MAGI1: variants seen among roughly 807,000 people sequenced by gnomAD.
MAGI1 encodes the protein membrane associated guanylate kinase, WW and PDZ domain containing 1, also known as membrane-associated guanylate kinase, WW and PDZ domain-containing protein 1.
In MAGI1, 58 loss-of-function variants were observed where a neutral mutation model predicts 139.9. The observed-to-expected ratio is 0.41, with a 90% confidence interval of 0.34 to 0.52. MAGI1 has a LOEUF of 0.52. MAGI1 is among the 20% of genes least tolerant of loss of function. MAGI1 has a pLI of 0.12. For missense variants in MAGI1, 1,874 were observed against 1,901.6 expected (o/e 0.99, Z 0.27); for synonymous variants, 812 against 737.9 (o/e 1.10, Z -1.63).
At chr3:65,465,088 A>G (rs1159023391) in intron 5 of MAGI1, among the ~76,000 whole-genome samples, 1 of 150,358 alleles carries the variant, frequency 6.7e-6, no homozygotes, top group Non-Finnish European at 1.5e-5. Context: ...CCTTATCTCC[A>G]TTGATATTCT....
chr3:65,361,108 G>A (rs767522342), intron 22 of MAGI1, 91 bp downstream of exon 22: 1 of 1,611,750 alleles, frequency 6.2e-7, no homozygotes, highest in Admixed American at 1.7e-5. Context: ...GTGAATAGGG[G>A]AAACAAAAAA....
At chr3:65,522,634 A>C (rs1438415618) in intron 2 of MAGI1, among the ~76,000 whole-genome samples, 1 of 152,182 alleles carries the variant, frequency 6.6e-6, no homozygotes, top group East Asian at 1.9e-4. Flanking sequence ...CAAGCTTTTG[A>C]AAGTTTCTTT....
At chr3:65,621,891 G>C in intron 2 of MAGI1, 81 bp downstream of exon 2, 1 of 985,800 alleles carries the variant, frequency 1.0e-6, no homozygotes, top group South Asian at 1.5e-5. Flanking sequence ...ACCAGTTGTT[G>C]AGATCTCCTT....
intron 13 of MAGI1, among the ~76,000 whole-genome samples, chr3:65,393,194 G>C (rs1009714322): frequency 1.3e-5 from 2 of 152,200 alleles, no homozygotes; most frequent in Non-Finnish European, 2.9e-5. Flanking sequence ...GCCAGAGTGA[G>C]AAAATGTAAA....
chr3:65,618,178 T>A (rs1403771619), intron 2 of MAGI1, among the ~76,000 whole-genome samples: 1 of 152,112 alleles, frequency 6.6e-6, no homozygotes, highest in Non-Finnish European at 1.5e-5. Context: ...GTGTTTGGAA[T>A]ATGAAGTTTG....
chr3:65,686,571 A>G (rs532117120), intron 1 of MAGI1, among the ~76,000 whole-genome samples: 10 of 152,278 alleles, frequency 6.6e-5, no homozygotes, highest in South Asian at 4.1e-4. Context: ...GATTACAGGC[A>G]TGAGCCATCG....
chr3:65,962,677 A>G (rs558349388), intron 1 of MAGI1, among the ~76,000 whole-genome samples: 91 of 151,418 alleles, frequency 6.0e-4, no homozygotes, highest in African/African-American at 2.0e-3. Flanking sequence ...TCTACTAAAA[A>G]CGCTGGGCGT....
At chr3:65,531,962 C>G (rs2078733749) in intron 2 of MAGI1, among the ~76,000 whole-genome samples, 1 of 152,136 alleles carries the variant, frequency 6.6e-6, no homozygotes, top group African/African-American at 2.4e-5. Context: ...ACTTACATCC[C>G]ACATGTATTC....
intron 2 of MAGI1, chr3:65,619,766 G>T: frequency 2.8e-6 from 2 of 708,204 alleles, no homozygotes; most frequent in Non-Finnish European, 3.5e-6. Flanking sequence ...ATGTTCAAAG[G>T]CACACACGCT....
intron 2 of MAGI1, among the ~76,000 whole-genome samples, chr3:65,589,093 C>T (rs927246314): frequency 6.6e-6 from 1 of 152,078 alleles, no homozygotes; most frequent in Non-Finnish European, 1.5e-5. Flanking sequence ...AAACAGTTTA[C>T]AGTATGCATG....
intron 6 of MAGI1, among the ~76,000 whole-genome samples, chr3:65,449,017 T>C (rs1948851638): frequency 6.6e-6 from 1 of 151,324 alleles, no homozygotes; most frequent in Admixed American, 6.6e-5. Context: ...TCTGCACATG[T>C]TAGGTACTAA....
chr3:66,033,285 A>G (rs1333672222), intron 1 of MAGI1, among the ~76,000 whole-genome samples: 1 of 152,116 alleles, frequency 6.6e-6, no homozygotes, highest in Non-Finnish European at 1.5e-5. Flanking sequence ...TGGCCTCCCA[A>G]GGTGCTGGGA....
intron 2 of MAGI1, among the ~76,000 whole-genome samples, chr3:65,599,808 G>A (rs1425416572): frequency 6.6e-6 from 1 of 152,142 alleles, no homozygotes; most frequent in African/African-American, 2.4e-5. Flanking sequence ...GCAAACACCA[G>A]AACCCTAGAC....
chr3:65,478,755 A>T lies in MAGI1; in HGVS notation c.594T>A (p.Ser198Arg). 6.2e-7 allele frequency: 1 copy of T among 1,613,990 alleles called. No individual in the cohort carries two copies. The highest frequency in any genetic ancestry group is 8.5e-7 in the Non-Finnish European group (1 of 1,179,964). Residue 198 changes from serine to arginine, a missense_variant, in exon 4 of 23, where the codon AGT (serine) becomes AGA (arginine). Transcript: ENST00000402939. ...AGGCATCCGTCGTGATCACTTTCCC[A>T]CTGACTGGCTGGCTAGGAGGCTTGG... ...GTPKPPSQPV[S>R]GKVITTDALH...
chr3:65,812,480 A>ACACG lies in MAGI1; in HGVS notation c.314-190393_314-190392insCGTG, dbSNP rs1553711425. Among the ~76,000 whole-genome samples the ACACG allele has an allele frequency of 1.3e-3, 193 of 146,210 alleles. 1 individual carries two copies. Among genetic ancestry groups the ACACG allele is most frequent in the Non-Finnish European group, 1.9e-3 (128 of 66,746 alleles). On this transcript the variant is annotated intron_variant, in intron 1 of 22. Transcript: ENST00000402939. ...CTCTCTCTCTCTCTCACACACACAC[A>ACACG]CACACACACACTTCTCTATCATTTT...
At chr3:65,858,693 A>G (rs2059446912) in intron 1 of MAGI1, among the ~76,000 whole-genome samples, 1 of 152,228 alleles carries the variant, frequency 6.6e-6, no homozygotes, top group South Asian at 2.1e-4. Context: ...TGCTTTTTAA[A>G]ACCACCAATG....
In MAGI1 at chr3:65,530,621, T is replaced by TG. The variant is rs1300563728; in HGVS notation, c.431-36991dup. On this transcript the variant is annotated intron_variant, in intron 2 of 22. Transcript: ENST00000402939. ...ACAGCAAGACACATACGTATGTGTG[T>TG]GTGGTGTGTGTGTGTGTGTGTGTGT... Among the ~76,000 whole-genome samples the TG allele has an allele frequency of 2.4e-4, 19 of 79,078 alleles. 1 individual carries two copies. The highest frequency in any genetic ancestry group is 9.6e-4 in the African/African-American group (19 of 19,824). 51.9% of individuals were successfully genotyped at this position (79,078 alleles called of 152,430 possible). A position where few individuals can be genotyped will look rare whatever the true frequency, so the allele number is the denominator to read the frequency against.
intron 5 of MAGI1, among the ~76,000 whole-genome samples, chr3:65,455,020 G>A (rs900106527): frequency 5.3e-5 from 8 of 152,136 alleles, no homozygotes; most frequent in African/African-American, 1.7e-4. Flanking sequence ...AGAAAGTTTT[G>A]CACTAGAATC....
At chr3:65,737,554 C>G (rs1375201164) in intron 1 of MAGI1, among the ~76,000 whole-genome samples, 1 of 152,130 alleles carries the variant, frequency 6.6e-6, no homozygotes, top group Non-Finnish European at 1.5e-5. Flanking sequence ...TGTTCCAATA[C>G]AGGAAAGGAG....
Sources: gnomAD v4.1 joint callset for allele counts (sites outside exome capture counted in the v4.1 genomes callset) on GRCh38, gnomAD v4.1.1 for gene constraint, MANE v1.5 for transcripts, NCBI Gene and HGNC (gene_info 2026-07-23, HGNC 2026-07-21) for gene names.